EXD2: variants seen among roughly 807,000 people sequenced by gnomAD.
EXD2 encodes exonuclease 3'-5' domain-containing protein 2.
In EXD2, 40 loss-of-function variants were observed where a neutral mutation model predicts 62.5. The ratio of observed to expected loss-of-function variants is 0.64; its 90% CI spans 0.50 to 0.83. The LOEUF (loss-of-function observed/expected upper bound fraction) is 0.83, where lower values mean the gene tolerates loss of function less well. EXD2 is among the 40% of genes least tolerant of loss of function. EXD2 has a pLI of 0.00. For missense variants in EXD2, 671 were observed against 761.8 expected (o/e 0.88, Z 1.40); for synonymous variants, 239 against 291.9 (o/e 0.82, Z 1.85).
At chr14:69,224,042 T>G (rs1594765104) in intron 3 of EXD2, 1 of 148,322 alleles carries the variant, frequency 6.7e-6, no homozygotes, top group East Asian at 2.0e-4. Context: ...GCCACACACT[T>G]TTTTTTTTTT....
intron 8 of EXD2, 84 bp from the exon 9 acceptor site, chr14:69,237,491 A>G: frequency 7.7e-7 from 1 of 1,294,830 alleles, no homozygotes; most frequent in Non-Finnish European, 1.1e-6. Flanking sequence ...GGCCCCAGTT[A>G]GAACCCCAGT....
intron 1 of EXD2, among the ~76,000 whole-genome samples, chr14:69,201,816 G>C (rs2042416699): frequency 6.6e-6 from 1 of 151,612 alleles, no homozygotes. Flanking sequence ...CTGAGTAGCT[G>C]GGAGTGCAGG....
intron 1 of EXD2, among the ~76,000 whole-genome samples, chr14:69,194,653 G>C (rs983098730): frequency 6.6e-6 from 1 of 152,034 alleles, no homozygotes; most frequent in Non-Finnish European, 1.5e-5. Flanking sequence ...GGCCTCATGT[G>C]CTCATTTATC....
chr14:69,207,495 T>TA lies in EXD2; in HGVS notation c.-47-1919dup, dbSNP rs78409593. Among the ~76,000 whole-genome samples the TA allele has an allele frequency of 4.5e-3, 670 of 150,012 alleles. 9 individuals carry two copies. Among genetic ancestry groups the TA allele is most frequent in the African/African-American group, 0.015 (624 of 40,986 alleles). ...GGCGACGGCGAGAGACTCCATCTAA[T>TA]AAAAAAAAAATTTAAAGTTATTGAT... On this transcript the variant is annotated intron_variant, in intron 2 of 9. Transcript: ENST00000685843.
At chr14:69,234,650 C>T in intron 5 of EXD2, 50 bp from the exon 6 acceptor site, 1 of 1,476,304 alleles carries the variant, frequency 6.8e-7, no homozygotes, top group Non-Finnish European at 9.2e-7. Context: ...TGAAGTTTTT[C>T]TCTCTGGTTT....
chr14:69,241,822 A>T lies in EXD2; in HGVS notation c.*722A>T, dbSNP rs531744689. 2.3e-5 allele frequency: 9 copies of T among 398,884 alleles called. No homozygotes were observed. The highest frequency in any genetic ancestry group is 1.6e-4 in the African/African-American group (8 of 48,612). The allele number at this position is 398,884 out of a possible 1,614,324, so 24.7% of individuals were successfully genotyped here. ...GAAAGAACCACAAACTCCATCTCCC[A>T]ATAGAACTTTGAAATTCACTCAGCT... On this transcript the variant is annotated 3_prime_UTR_variant, in exon 10 of 10. Transcript: ENST00000685843.
intron 1 of EXD2, among the ~76,000 whole-genome samples, chr14:69,202,158 G>C (rs377162275): frequency 6.6e-6 from 1 of 152,066 alleles, no homozygotes; most frequent in South Asian, 2.1e-4. Context: ...GGGTGTTGGA[G>C]CTCAGGAGTT....
At chr14:69,226,773 G>GT (rs10710360) in intron 3 of EXD2, among the ~76,000 whole-genome samples, 120 of 140,592 alleles carry the variant, frequency 8.5e-4, no homozygotes, top group South Asian at 1.6e-3. Context: ...AGCCCTCCCA[G>GT]TTTTTTTTTT....
chr14:69,238,156 G>C (rs879557353), intron 9 of EXD2, among the ~76,000 whole-genome samples: 1 of 152,180 alleles, frequency 6.6e-6, no homozygotes, highest in Non-Finnish European at 1.5e-5. Flanking sequence ...GCCTATCTTT[G>C]ACCTTTTTAA....
intron 1 of EXD2, among the ~76,000 whole-genome samples, chr14:69,192,633 C>A (rs140351981): frequency 6.6e-6 from 1 of 151,848 alleles, no homozygotes; most frequent in Non-Finnish European, 1.5e-5. Flanking sequence ...GAACTGTTGT[C>A]AGTTTGTGTG....
intron 7 of EXD2, 64 bp downstream of exon 7, chr14:69,236,216 G>A: frequency 1.3e-6 from 2 of 1,530,698 alleles, no homozygotes; most frequent in Non-Finnish European, 1.8e-6. Context: ...CAGGAGTGGG[G>A]AGTGAGATAA....
intron 3 of EXD2, among the ~76,000 whole-genome samples, chr14:69,210,700 C>T (rs1262168577): frequency 6.6e-6 from 1 of 151,972 alleles, no homozygotes; most frequent in Non-Finnish European, 1.5e-5. Flanking sequence ...GTCCCAGCAA[C>T]TTGGGAGGCT....
chr14:69,243,473 T>C lies in EXD2; in HGVS notation c.*2373T>C, dbSNP rs933303490. ...TGGTATCCTAACTTTACCCTCTCAC[T>C]GATTAACATGGTATCACGAGTAACT... On this transcript the variant is annotated 3_prime_UTR_variant, in exon 10 of 10. Transcript: ENST00000685843. 1 of 152,240 alleles carries C rather than the reference T, an allele frequency of 6.6e-6. No individual in the cohort carries two copies. Among genetic ancestry groups the C allele is most frequent in the Non-Finnish European group, 1.5e-5 (1 of 68,046 alleles). 9.4% of individuals were successfully genotyped at this position (152,240 alleles called of 1,614,324 possible).
At chr14:69,214,328 TTTCTC>T (rs2042922411) in intron 3 of EXD2, among the ~76,000 whole-genome samples, 1 of 152,188 alleles carries the variant, frequency 6.6e-6, no homozygotes, top group Non-Finnish European at 1.5e-5. Flanking sequence ...CAATTTAAAA[TTTCTC>T]TTTAAAGATT....
At position 69,207,893 on chromosome 14, in the gene EXD2, CT is replaced by C. The variant is rs554026312; in HGVS notation, c.-47-1516del. On this transcript the variant is annotated intron_variant, in intron 2 of 9. Transcript: ENST00000685843. ...TGGCCCTGAGACCAAAGGCCATTTA[CT>C]TTTTTTTTTTTTTTCTTTTTTGAGA... is the stretch of plus-strand genomic sequence containing the variant. Among the ~76,000 whole-genome samples the C allele has an allele frequency of 1.3e-3, 188 of 141,976 alleles. 1 individual carries two copies. The highest frequency in any genetic ancestry group is 9.7e-3 in the East Asian group (48 of 4,938). The allele number at this position is 141,976 out of a possible 152,430, so 93.1% of individuals were successfully genotyped here.
intron 5 of EXD2, among the ~76,000 whole-genome samples, chr14:69,232,246 AAGG>A (rs1484858432): frequency 6.6e-6 from 1 of 152,078 alleles, no homozygotes; most frequent in African/African-American, 2.4e-5. Flanking sequence ...CTGTGCTGTA[AAGG>A]AGGAGATCAG....
chr14:69,196,357 G>A (rs568364193), intron 1 of EXD2, among the ~76,000 whole-genome samples: 6 of 152,274 alleles, frequency 3.9e-5, no homozygotes, highest in East Asian at 1.9e-4. Context: ...TGGGGAATAC[G>A]ATTCAACTCA....
At chr14:69,230,628 G>A (rs1566837218) in intron 5 of EXD2, 30 bp downstream of exon 5, 1 of 1,580,790 alleles carries the variant, frequency 6.3e-7, no homozygotes, top group Non-Finnish European at 8.6e-7. Context: ...TTGAAGAATG[G>A]AAAGTCATTG....
chr14:69,220,253 GTTTTTTTTTTTTTTTTTT>G (rs869194045), intron 3 of EXD2, among the ~76,000 whole-genome samples: 6 of 35,092 alleles, frequency 1.7e-4, no homozygotes, highest in Admixed American at 4.8e-4. Context: ...TTGTCTCTCT[GTTTTTTTTTTTTTTTTTT>G]TTTTTTTTTT....
Sources: allele counts gnomAD v4.1 joint callset (sites outside exome capture counted in the v4.1 genomes callset), GRCh38; gene constraint gnomAD v4.1.1; transcripts MANE v1.5; gene names NCBI Gene and HGNC (gene_info 2026-07-23, HGNC 2026-07-21).